Variants in TBXAS1 observed in about 807,000 individuals in gnomAD.
The protein encoded by TBXAS1 is thromboxane A synthase 1.
In TBXAS1, 48 loss-of-function variants were observed where a neutral mutation model predicts 60.7. That is an observed-to-expected ratio of 0.79 (90% CI 0.63 to 1.01). The LOEUF is 1.01. Ranked by LOEUF, TBXAS1 falls within the 50% of genes least tolerant of loss-of-function variation. The probability of loss-of-function intolerance (pLI) is 0.00; values close to 1 mark genes in which losing one functional copy is unlikely to be tolerated. For synonymous variants in TBXAS1, 287 were observed against 269.7 expected, an observed-to-expected ratio of 1.06 and a Z score of -0.63; for missense variants, 685 against 686.3, an observed-to-expected ratio of 1.00 and a Z score of 0.02.
At chr7:139,835,308 T>TCCA (rs1324170589) in intron 1 of TBXAS1, among the ~76,000 whole-genome samples, 1 of 152,118 alleles carries the variant, frequency 6.6e-6, no homozygotes, top group African/African-American at 2.4e-5. Flanking sequence ...GACCTCGTGG[T>TCCA]CCACCCACCT....
intron 4 of TBXAS1, among the ~76,000 whole-genome samples, chr7:139,817,210 G>A (rs142519734): frequency 1.5e-3 from 222 of 149,388 alleles, no homozygotes; most frequent in Non-Finnish European, 2.5e-3. Flanking sequence ...GTCTCCCCCC[G>A]TCCCAGCCCC....
At chr7:139,877,006 CA>C (rs1802284944) in intron 3 of TBXAS1, among the ~76,000 whole-genome samples, 1 of 152,182 alleles carries the variant, frequency 6.6e-6, no homozygotes, top group African/African-American at 2.4e-5. Flanking sequence ...CTCAAGAGAG[CA>C]AGCCTGATGG....
chr7:139,805,156 G>A (rs146913151), intron 4 of TBXAS1, among the ~76,000 whole-genome samples: 5 of 152,360 alleles, frequency 3.3e-5, no homozygotes, highest in Admixed American at 6.5e-5. Flanking sequence ...CATCAGTGGC[G>A]CTAGCCAGGT....
chr7:139,975,792 A>C lies in TBXAS1; in HGVS notation c.1134+13559A>C, dbSNP rs1811521402. ...TCACGGTCCATCCTCTGAGTTTGTG[A>C]ATTATCTTTCTTCGTGGCCCATGTG... On this transcript the variant is annotated intron_variant, in intron 9 of 12. Transcript: ENST00000448866. The surrounding 1 kb of genome is among the most constrained non-coding windows in gnomAD (Gnocchi z 4.4). 6.6e-6 allele frequency among the ~76,000 whole-genome samples: 1 copy of C among 152,010 alleles called. No individual in the cohort carries two copies. The highest frequency in any genetic ancestry group is 1.5e-5 in the Non-Finnish European group (1 of 67,996).
chr7:139,843,418 C>T (rs764233820), intron 1 of TBXAS1, among the ~76,000 whole-genome samples: 11 of 152,134 alleles, frequency 7.2e-5, no homozygotes, highest in Non-Finnish European at 1.3e-4. Flanking sequence ...TCTCAGCTCA[C>T]TGCAACCTCC....
intron 1 of TBXAS1, among the ~76,000 whole-genome samples, chr7:139,858,719 T>C (rs1569502683): frequency 6.6e-6 from 1 of 152,214 alleles, no homozygotes; most frequent in Non-Finnish European, 1.5e-5. Flanking sequence ...AGACCACATT[T>C]TGATTATGTC....
Position 139,851,957 on chromosome 7 carries a change from G to T in TBXAS1, c.90-20278G>T, listed in dbSNP as rs926016598. Among the ~76,000 whole-genome samples the T allele has an allele frequency of 3.9e-5, 6 of 152,282 alleles. No homozygotes were observed. The South Asian group carries it at 1.2e-3, about 32-fold the overall frequency. ...CAAGATTAGATTATTGGAGACTGGG[G>T]TTTCCATCTTGGGCTCGCTCTCTCC... On this transcript the variant is annotated intron_variant, in intron 1 of 12. Coordinates refer to ENST00000448866, the MANE Select transcript of TBXAS1 (RefSeq NM_001061.7).
At chr7:139,794,308 C>T (rs1010446521) in intron 4 of TBXAS1, among the ~76,000 whole-genome samples, 4 of 152,194 alleles carry the variant, frequency 2.6e-5, no homozygotes, top group African/African-American at 9.6e-5. Flanking sequence ...CCATGTTGGC[C>T]AGGCTGGTCT....
chr7:139,996,068 A>G (rs993764453), intron 9 of TBXAS1, among the ~76,000 whole-genome samples: 5 of 151,950 alleles, frequency 3.3e-5, no homozygotes, highest in Non-Finnish European at 5.9e-5. Flanking sequence ...TCCTAGGTTC[A>G]AGTGATCCTT....
intron 2 of TBXAS1, among the ~76,000 whole-genome samples, chr7:139,873,281 G>T (rs773757742): frequency 2.0e-5 from 3 of 152,190 alleles, no homozygotes; most frequent in Admixed American, 2.0e-4. Context: ...AGAGAAAGGG[G>T]CACTAGATGC....
intron 1 of TBXAS1, among the ~76,000 whole-genome samples, chr7:139,858,016 G>A (rs1800703285): frequency 6.6e-6 from 1 of 152,162 alleles, no homozygotes; most frequent in Non-Finnish European, 1.5e-5. Flanking sequence ...TTATGGGTGT[G>A]AGCTACCACG....
intron 9 of TBXAS1, among the ~76,000 whole-genome samples, chr7:139,965,823 C>T (rs181967941): frequency 9.6e-4 from 146 of 152,166 alleles, no homozygotes; most frequent in African/African-American, 3.3e-3. Context: ...CACATGGCAC[C>T]CACTCAATGA....
At chr7:139,897,519 A>G (rs1232176258) in intron 3 of TBXAS1, among the ~76,000 whole-genome samples, 2 of 152,154 alleles carry the variant, frequency 1.3e-5, no homozygotes, top group African/African-American at 4.8e-5. Flanking sequence ...TCCTAGGTGG[A>G]TAAGTGGAGT....
intron 4 of TBXAS1, among the ~76,000 whole-genome samples, chr7:139,816,049 T>C (rs1434058482): frequency 6.6e-6 from 1 of 152,126 alleles, no homozygotes; most frequent in African/African-American, 2.4e-5. Context: ...TCTCCCATGT[T>C]GCTGTCATGA....
chr7:139,937,024 G>A (rs1807848226), intron 5 of TBXAS1, among the ~76,000 whole-genome samples: 1 of 152,100 alleles, frequency 6.6e-6, no homozygotes, highest in Admixed American at 6.5e-5. Context: ...CCCAAAACCG[G>A]GTGTTTGTAC....
chr7:139,964,398 T>C (rs1231013066), intron 9 of TBXAS1, among the ~76,000 whole-genome samples: 2 of 152,218 alleles, frequency 1.3e-5, no homozygotes, highest in Non-Finnish European at 2.9e-5. Context: ...TGCCCATTCT[T>C]GAACCAACTC....
chr7:139,977,167 C>T (rs938919996), intron 9 of TBXAS1, among the ~76,000 whole-genome samples: 2 of 152,096 alleles, frequency 1.3e-5, no homozygotes, highest in African/African-American at 4.8e-5. Context: ...TGTATTAGTC[C>T]GTTTTCACGC....
chr7:139,829,894 C>T (rs914033619), intron 1 of TBXAS1, among the ~76,000 whole-genome samples: 4 of 152,122 alleles, frequency 2.6e-5, no homozygotes, highest in Non-Finnish European at 2.9e-5. Flanking sequence ...CAAAACAAGA[C>T]GTAGGAGCTG....
chr7:139,872,989 C>A (rs1262345087), intron 2 of TBXAS1, among the ~76,000 whole-genome samples: 2 of 152,166 alleles, frequency 1.3e-5, no homozygotes, highest in Non-Finnish European at 2.9e-5. Context: ...GCATGCAACA[C>A]CAGATGAGAT....
Sources: allele counts gnomAD v4.1 joint callset (sites outside exome capture counted in the v4.1 genomes callset), GRCh38; gene constraint gnomAD v4.1.1; non-coding constraint Gnocchi (gnomAD v3.1); transcripts MANE v1.5; gene names NCBI Gene and HGNC (gene_info 2026-07-23, HGNC 2026-07-21).